The following EIF4G3 variants were observed in gnomAD, a reference collection of about 807,000 sequenced individuals.
The protein encoded by EIF4G3 is eIF-4-gamma 3.
A neutral mutation model predicts 186.4 loss-of-function variants in EIF4G3; 34 were observed. That is an observed-to-expected ratio of 0.18 (90% CI 0.14 to 0.24). The LOEUF is 0.24. Ranked by LOEUF, EIF4G3 falls within the 10% of genes least tolerant of loss-of-function variation. The pLI is 1.00. For synonymous variants in EIF4G3, 673 were observed against 679.5 expected, an observed-to-expected ratio of 0.99 and a Z score of 0.15; for missense variants, 1,536 against 1,948.5, an observed-to-expected ratio of 0.79 and a Z score of 3.99.
chr1:20,831,741 G>A (rs1222449197), intron 30 of EIF4G3, among the ~76,000 whole-genome samples: 1 of 146,082 alleles, frequency 6.8e-6, no homozygotes, highest in African/African-American at 2.5e-5. Context: ...TATATCTCCC[G>A]ATGCTATCCC....
At position 20,825,155 on chromosome 1, in the gene EIF4G3, C is replaced by T. The variant is rs1475552391; in HGVS notation, c.4313G>A (p.Ser1438Asn). The change falls in exon 33 of 37, where the codon AGC becomes AAC. Residue 1438 changes from serine to asparagine, a missense_variant. By Grantham distance (46) the Ser-to-Asn change is conservative. This residue lies in a region of EIF4G3 where 395 missense variants were observed against 498.9 expected (regional missense o/e 0.79). Coordinates refer to ENST00000602326, the MANE Select transcript of EIF4G3 (RefSeq NM_001391906.1). Reference protein sequence around the residue: ...VGALWREADLSWKDFLPEGED... With the variant: ...VGALWREADLNWKDFLPEGED... ...TCCTTCTGGTAAAAAGTCCTTCCAG[C>T]TGAGGTCAGCCTCCCTCCATAAGGC... The T allele has an allele frequency of 6.2e-7, 1 of 1,612,668 alleles. No individual in the cohort carries two copies. The highest frequency in any genetic ancestry group is 2.2e-5 in the East Asian group (1 of 44,818).
At chr1:20,994,815 A>T in intron 7 of EIF4G3, among the ~76,000 whole-genome samples, 1 of 151,458 alleles carries the variant, frequency 6.6e-6, no homozygotes, top group East Asian at 1.9e-4. Flanking sequence ...TTTTATTTTT[A>T]TTTTGCAGAG....
rs1046323470 is a variant in EIF4G3 at position 21,025,800 on chromosome 1, C to CA, written c.-66-22993dup. On this transcript the variant is annotated intron_variant, in intron 4 of 36. Transcript: ENST00000602326. The stretch of plus-strand genomic sequence containing the variant: ...AGAGATCTCTAGGTACAAAAGTCTA[C>CA]AGAGTAATTAGGCATGAAGAGAGCA... Among the ~76,000 whole-genome samples, 30 of 152,160 alleles carry CA rather than the reference C, an allele frequency of 2.0e-4. No individual in the cohort carries two copies. In the East Asian group the frequency reaches 5.6e-3, roughly 28 times the overall value.
intron 22 of EIF4G3, among the ~76,000 whole-genome samples, chr1:20,864,080 A>G (rs2077039913): frequency 6.6e-6 from 1 of 152,144 alleles, no homozygotes; most frequent in Non-Finnish European, 1.5e-5. Context: ...ATGATTTCTT[A>G]TATTATGGTT....
chr1:21,091,308 C>A (rs967526910), intron 2 of EIF4G3, among the ~76,000 whole-genome samples: 6 of 151,964 alleles, frequency 3.9e-5, no homozygotes, highest in Admixed American at 3.3e-4. Context: ...TATAGACATG[C>A]GCTACCACAG....
chr1:21,008,251 G>T (rs1174231486), intron 4 of EIF4G3, among the ~76,000 whole-genome samples: 1 of 152,170 alleles, frequency 6.6e-6, no homozygotes, highest in Non-Finnish European at 1.5e-5. Context: ...AGCATTAGCA[G>T]AAATCTAGCA....
At chr1:20,823,395 T>C (rs936807618) in intron 33 of EIF4G3, among the ~76,000 whole-genome samples, 6 of 152,150 alleles carry the variant, frequency 3.9e-5, no homozygotes, top group African/African-American at 1.4e-4. Flanking sequence ...TTTTATTTTT[T>C]ATTTTTGATA....
chr1:20,886,364 T>C lies in EIF4G3; in HGVS notation c.2261A>G (p.Asn754Ser). 1 of 1,613,100 alleles carries C rather than the reference T, an allele frequency of 6.2e-7. No homozygotes were observed. The highest frequency in any genetic ancestry group is 8.5e-7 in the Non-Finnish European group (1 of 1,179,712). ...AGGTTGAGATCTTCGTGACCCAACATTCAACAACTAGGACAAGAATATTAC... is the reference window on the plus strand; with the variant it reads ...AGGTTGAGATCTTCGTGACCCAACACTCAACAACTAGGACAAGAATATTAC... ...TPGGRGVPLL[N>S]VGSRRSQPGQ... is the part of the protein sequence containing the mutation. Residue 754 changes from asparagine (N) to serine (S), a missense_variant, in exon 19 of 37, where the codon AAT becomes AGT. Physicochemically the swap from Asn to Ser is conservative, Grantham distance 46. Coordinates refer to ENST00000602326, the MANE Select transcript of EIF4G3 (RefSeq NM_001391906.1).
intron 7 of EIF4G3, among the ~76,000 whole-genome samples, chr1:20,994,978 T>C (rs1282014608): frequency 6.6e-6 from 1 of 152,122 alleles, no homozygotes; most frequent in African/African-American, 2.4e-5. Context: ...TAGCCATAAA[T>C]TCATGAGCAG....
intron 29 of EIF4G3, among the ~76,000 whole-genome samples, chr1:20,842,149 AAT>A (rs1470012585): frequency 7.2e-5 from 11 of 152,144 alleles, no homozygotes; most frequent in Non-Finnish European, 7.3e-5. Context: ...GATTTACTAT[AAT>A]GTCAATAAAA....
At chr1:20,983,633 T>C (rs753787157) in intron 7 of EIF4G3, among the ~76,000 whole-genome samples, 6 of 152,180 alleles carry the variant, frequency 3.9e-5, no homozygotes, top group Non-Finnish European at 8.8e-5. Flanking sequence ...CATTATCTGT[T>C]CAACTTACTG....
chr1:20,814,028 C>T (rs1003099853), intron 34 of EIF4G3, among the ~76,000 whole-genome samples: 6 of 138,684 alleles, frequency 4.3e-5, no homozygotes, highest in African/African-American at 1.6e-4. Flanking sequence ...CTCACTGCAA[C>T]CTCTGCCTCC....
intron 32 of EIF4G3, among the ~76,000 whole-genome samples, chr1:20,826,325 C>G (rs1395704759): frequency 1.3e-5 from 2 of 151,902 alleles, no homozygotes; most frequent in African/African-American, 4.8e-5. Context: ...TGTCACCATG[C>G]CTGGCTAATT....
intron 20 of EIF4G3, among the ~76,000 whole-genome samples, chr1:20,877,022 A>G (rs543629173): frequency 6.6e-6 from 1 of 152,304 alleles, no homozygotes; most frequent in East Asian, 1.9e-4. Flanking sequence ...AAAGTTTTCA[A>G]AAGTCTCATA....
At chr1:21,003,358 C>T (rs960257998) in intron 4 of EIF4G3, among the ~76,000 whole-genome samples, 3 of 151,924 alleles carry the variant, frequency 2.0e-5, no homozygotes, top group Non-Finnish European at 4.4e-5. Context: ...TCAAAGAGAT[C>T]CTCTCGCCTC....
At chr1:20,856,320 C>T (rs1385155933) in intron 25 of EIF4G3, among the ~76,000 whole-genome samples, 1 of 152,278 alleles carries the variant, frequency 6.6e-6, no homozygotes, top group East Asian at 1.9e-4. Flanking sequence ...CAGTTATCTT[C>T]TTTCATGTAG....
intron 20 of EIF4G3, among the ~76,000 whole-genome samples, chr1:20,869,375 G>A (rs184050029): frequency 4.4e-5 from 6 of 136,740 alleles, no homozygotes; most frequent in Middle Eastern, 4.7e-3. Flanking sequence ...CTCAAACTTC[G>A]GGGCTCAAGT....
intron 24 of EIF4G3, 130 bp downstream of exon 24, chr1:20,860,255 T>C: frequency 7.9e-7 from 1 of 1,271,854 alleles, no homozygotes; most frequent in Admixed American, 2.2e-5. Flanking sequence ...TGAAACTGCT[T>C]CACCTAACAA....
intron 3 of EIF4G3, among the ~76,000 whole-genome samples, chr1:21,058,007 T>G (rs2094647420): frequency 6.6e-6 from 1 of 152,220 alleles, no homozygotes; most frequent in Admixed American, 6.5e-5. Flanking sequence ...AAATTAGGAT[T>G]AGTCATTAGG....
Sources: allele counts gnomAD v4.1 joint callset (sites outside exome capture counted in the v4.1 genomes callset), GRCh38; gene constraint gnomAD v4.1.1; regional missense constraint gnomAD v4.1.1; transcripts MANE v1.5; gene names NCBI Gene and HGNC (gene_info 2026-07-23, HGNC 2026-07-21).